The following LRRC49 variants were observed in gnomAD, a reference collection of about 807,000 sequenced individuals.
LRRC49 encodes leucine-rich repeat-containing protein 49.
LRRC49 carries 50 observed loss-of-function variants against 83.3 expected under a neutral mutation model. The observed-to-expected ratio is 0.60, with a 90% CI of 0.48 to 0.76. The LOEUF is 0.76. Among genes scored for constraint, LRRC49 ranks in the 30% least tolerant of loss-of-function variants. LRRC49 has a pLI of 0.00. For missense variants in LRRC49, 704 were observed against 809.1 expected (o/e 0.87, Z 1.58); for synonymous variants, 286 against 283.3 (o/e 1.01, Z -0.10).
At chr15:70,976,233 G>A (rs1401080339) in intron 9 of LRRC49, among the ~76,000 whole-genome samples, 1 of 152,178 alleles carries the variant, frequency 6.6e-6, no homozygotes, top group Non-Finnish European at 1.5e-5. Context: ...GAAGTCAGGT[G>A]ACATGGCTTC....
chr15:70,865,184 C>T (rs1036148469), intron 1 of LRRC49, among the ~76,000 whole-genome samples: 1 of 152,180 alleles, frequency 6.6e-6, no homozygotes, highest in Admixed American at 6.5e-5. Context: ...TAACCCAAAT[C>T]TCTATTCTGC....
At chr15:70,892,822 G>T (rs185254297), upstream of LRRC49, 585 of 1,613,920 alleles carry the variant, frequency 3.6e-4, 2 homozygotes, top group African/African-American at 6.8e-3. Context: ...GACCTCTTTC[G>T]GGTCTCTTTG....
chr15:70,950,679 T>C (rs2036185313), intron 8 of LRRC49, among the ~76,000 whole-genome samples: 1 of 152,168 alleles, frequency 6.6e-6, no homozygotes, highest in South Asian at 2.1e-4. Context: ...AGATGCATAG[T>C]TTGCAAATAT....
intron 8 of LRRC49, among the ~76,000 whole-genome samples, chr15:70,963,050 T>A (rs1327003243): frequency 2.0e-5 from 3 of 151,798 alleles, no homozygotes; most frequent in Non-Finnish European, 4.4e-5. Context: ...GAGGATCGCT[T>A]AAACAGGAGT....
At chr15:71,002,749 C>T (rs2038304856) in intron 11 of LRRC49, among the ~76,000 whole-genome samples, 1 of 151,950 alleles carries the variant, frequency 6.6e-6, no homozygotes, top group African/African-American at 2.4e-5. Context: ...TCTTTCTGTT[C>T]AGGCCTGTTA....
At chr15:70,949,811 ATTTATT>A (rs1039372784) in intron 8 of LRRC49, among the ~76,000 whole-genome samples, 3 of 151,886 alleles carry the variant, frequency 2.0e-5, no homozygotes, top group Non-Finnish European at 4.4e-5. Flanking sequence ...TTTTGTTTTT[ATTTATT>A]TTTAAAATTT....
At chr15:71,041,053 A>G (rs1306097679) in intron 15 of LRRC49, among the ~76,000 whole-genome samples, 1 of 152,138 alleles carries the variant, frequency 6.6e-6, no homozygotes, top group Non-Finnish European at 1.5e-5. Context: ...GAGGACTCTG[A>G]GCTTCAGAAA....
chr15:70,982,529 A>G (rs1029381084), intron 10 of LRRC49, among the ~76,000 whole-genome samples: 1 of 152,240 alleles, frequency 6.6e-6, no homozygotes, highest in Admixed American at 6.5e-5. Flanking sequence ...GAAAGTCTCC[A>G]AAGTATATAC....
chr15:70,926,283 T>C (rs2035194089), intron 7 of LRRC49, among the ~76,000 whole-genome samples: 3 of 152,190 alleles, frequency 2.0e-5, no homozygotes, highest in Admixed American at 2.0e-4. Context: ...CTCATTATGT[T>C]GCCCAGGCTC....
At chr15:71,037,140 ATAAG>A in intron 14 of LRRC49, 35 bp from the exon 15 acceptor site, 2 of 1,450,032 alleles carry the variant, frequency 1.4e-6, no homozygotes, top group Non-Finnish European at 1.9e-6. Flanking sequence ...AGTAAGTCTG[ATAAG>A]TAACTCTCTA....
At chr15:70,922,916 C>T (rs2035061496) in intron 7 of LRRC49, among the ~76,000 whole-genome samples, 1 of 151,956 alleles carries the variant, frequency 6.6e-6, no homozygotes. Context: ...ATATTACCAA[C>T]ATTTGTATAT....
At chr15:70,888,726 C>G (rs933810873), upstream of LRRC49, among the ~76,000 whole-genome samples, 11 of 152,172 alleles carry the variant, frequency 7.2e-5, no homozygotes, top group South Asian at 2.3e-3. Context: ...AAAAGGACTT[C>G]CAGGTAGAAT....
intron 2 of LRRC49, among the ~76,000 whole-genome samples, chr15:70,876,092 A>T (rs2033146352): frequency 6.6e-6 from 1 of 152,180 alleles, no homozygotes; most frequent in South Asian, 2.1e-4. Flanking sequence ...CAGGTAAATA[A>T]TGAAGACTTT....
chr15:70,906,793 G>A (rs925508522), intron 5 of LRRC49, among the ~76,000 whole-genome samples: 3 of 152,294 alleles, frequency 2.0e-5, no homozygotes, highest in Middle Eastern at 3.4e-3. Flanking sequence ...TGAAGTAAAA[G>A]CAATCTAATG....
At chr15:70,904,476 A>G in intron 4 of LRRC49, 76 bp from the exon 5 acceptor site, 1 of 977,512 alleles carries the variant, frequency 1.0e-6, no homozygotes, top group Non-Finnish European at 1.6e-6. Context: ...GAGCACAAAG[A>G]TACTACTAAT....
intron 3 of LRRC49, chr15:70,900,407 A>C (rs2034020636): frequency 2.2e-6 from 1 of 453,888 alleles, no homozygotes; most frequent in African/African-American, 2.0e-5. Flanking sequence ...GCTATCCAAA[A>C]CTACTTTTTG....
chr15:70,863,153 C>G lies in LRRC49; in HGVS notation c.-299+9684C>G, dbSNP rs114684003. ...CAGGCCTGCCTAAGGTAGAGGCAAA[C>G]TGAAATTCAAGGACCACGGGCATCA... is the stretch of plus-strand genomic sequence containing the variant. On this transcript the variant is annotated intron_variant, in intron 1 of 16. Coordinates refer to the LRRC49 transcript ENST00000544974. Among the ~76,000 whole-genome samples the G allele has an allele frequency of 6.7e-3, 1,019 of 152,250 alleles. 22 individuals carry two copies. Among genetic ancestry groups the G allele is most frequent in the African/African-American group, 0.024 (991 of 41,532 alleles).
At chr15:70,967,768 T>C (rs1483462147) in intron 9 of LRRC49, among the ~76,000 whole-genome samples, 2 of 152,072 alleles carry the variant, frequency 1.3e-5, no homozygotes, top group South Asian at 2.1e-4. Flanking sequence ...ACAATACATA[T>C]ATGAATAAGC....
chr15:70,998,293 T>A (rs1014150053), intron 11 of LRRC49, among the ~76,000 whole-genome samples: 4 of 152,198 alleles, frequency 2.6e-5, no homozygotes, highest in African/African-American at 9.6e-5. Flanking sequence ...TTTCTTCGTA[T>A]GACTTCAAGT....
Sources: gnomAD v4.1 joint callset for allele counts (sites outside exome capture counted in the v4.1 genomes callset) on GRCh38, gnomAD v4.1.1 for gene constraint, MANE v1.5 for transcripts, NCBI Gene and HGNC (gene_info 2026-07-23, HGNC 2026-07-21) for gene names.